AOPEP: variants seen among roughly 807,000 people sequenced by gnomAD.
The protein encoded by AOPEP is aminopeptidase O.
In AOPEP, 77 loss-of-function variants were observed where a neutral mutation model predicts 98.1. The observed-to-expected ratio is 0.78, with a 90% CI of 0.65 to 0.95. AOPEP has a LOEUF of 0.95. AOPEP is among the 40% of genes least tolerant of loss of function. The pLI is 0.00. For synonymous variants in AOPEP, 346 were observed against 365.3 expected, an observed-to-expected ratio of 0.95 and a Z score of 0.60; for missense variants, 1,024 against 1,024.7, an observed-to-expected ratio of 1.00 and a Z score of 0.01.
chr9:95,090,558 G>C (rs955507578), downstream of AOPEP, among the ~76,000 whole-genome samples: 4 of 152,170 alleles, frequency 2.6e-5, no homozygotes, highest in African/African-American at 9.6e-5. Flanking sequence ...CCTTCGAAGG[G>C]AGGAAGCAGC....
chr9:94,800,652 G>T (rs55770541), intron 4 of AOPEP, 105 bp from the exon 5 acceptor site: 11 of 1,197,206 alleles, frequency 9.2e-6, no homozygotes, highest in Non-Finnish European at 9.7e-6. Context: ...TTGTGAGTCT[G>T]TCTGAACCTC....
intron 1 of AOPEP, among the ~76,000 whole-genome samples, chr9:94,727,412 T>A (rs1164753439): frequency 6.6e-6 from 1 of 152,244 alleles, no homozygotes; most frequent in African/African-American, 2.4e-5. Context: ...TTGCATAAAA[T>A]GCCCCTTGTA....
chr9:94,791,485 T>G (rs1206609713), intron 3 of AOPEP, among the ~76,000 whole-genome samples: 1 of 149,134 alleles, frequency 6.7e-6, no homozygotes, highest in Admixed American at 6.8e-5. Flanking sequence ...CTGAGCAACA[T>G]AGTGAGAACC....
chr9:95,068,538 T>G (rs1420357184), intron 14 of AOPEP, among the ~76,000 whole-genome samples: 8 of 152,240 alleles, frequency 5.3e-5, no homozygotes, highest in Non-Finnish European at 7.3e-5. Context: ...TGAGTTATAA[T>G]AGTTCTTTAT....
intron 11 of AOPEP, among the ~76,000 whole-genome samples, chr9:94,988,705 T>C (rs1212742112): frequency 6.6e-6 from 1 of 152,152 alleles, no homozygotes; most frequent in Admixed American, 6.5e-5. Flanking sequence ...GCTGGAAGTC[T>C]AGCTCTGCAG....
intron 1 of AOPEP, among the ~76,000 whole-genome samples, chr9:94,740,965 T>C (rs899739395): frequency 5.3e-5 from 8 of 152,196 alleles, no homozygotes; most frequent in Non-Finnish European, 7.3e-5. Flanking sequence ...TCAGCTGTTA[T>C]AGGGCTGGTG....
intron 9 of AOPEP, 77 bp from the exon 10 acceptor site, chr9:94,967,681 A>G: frequency 8.2e-7 from 1 of 1,224,076 alleles, no homozygotes; most frequent in South Asian, 1.2e-5. Context: ...AGCTGGGAGC[A>G]CTCAGCCTCT....
At chr9:94,783,676 T>G (rs531456569) in intron 3 of AOPEP, among the ~76,000 whole-genome samples, 1 of 152,294 alleles carries the variant, frequency 6.6e-6, no homozygotes, top group Admixed American at 6.5e-5. Context: ...TTATATTTAT[T>G]GTACAGATGT....
rs191972171 is a variant in AOPEP, at chr9:94,731,291, G to A, written c.-136+4540G>A. Among the ~76,000 whole-genome samples the A allele has an allele frequency of 6.6e-3, 993 of 151,560 alleles. 9 individuals are homozygous for A. Among genetic ancestry groups the A allele is most frequent in the African/African-American group, 0.023 (944 of 41,260 alleles). ...CGCCCAGGCTGGAGTGCAGTGGCGC[G>A]ATCTCGGCTCACTGCGAGCTCTGCC... On this transcript the variant is annotated intron_variant, in intron 1 of 16. Transcript: ENST00000375315.
chr9:94,781,126 A>G (rs1843147841), intron 3 of AOPEP, among the ~76,000 whole-genome samples: 1 of 151,938 alleles, frequency 6.6e-6, no homozygotes. Context: ...AGACAAGGCC[A>G]TAGATTTAGA....
chr9:95,144,822 G>T, the AOPEP span, among the ~76,000 whole-genome samples: 6 of 152,206 alleles, frequency 3.9e-5, no homozygotes, highest in African/African-American at 1.4e-4. Context: ...CATTGCGGGT[G>T]TTGGGCACTG....
intron 5 of AOPEP, among the ~76,000 whole-genome samples, chr9:94,915,769 C>T (rs1394063654): frequency 6.6e-6 from 1 of 152,258 alleles, no homozygotes; most frequent in Non-Finnish European, 1.5e-5. Context: ...CTTGGATTTT[C>T]AGATTTGCAG....
chr9:94,752,090 G>A (rs1303595845), intron 1 of AOPEP, among the ~76,000 whole-genome samples: 2 of 151,826 alleles, frequency 1.3e-5, no homozygotes, highest in African/African-American at 4.8e-5. Flanking sequence ...GTCTTCCTAT[G>A]TTACCCGGGC....
intron 5 of AOPEP, among the ~76,000 whole-genome samples, chr9:94,895,239 T>TAA (rs60422899): frequency 0.37 from 42,761 of 115,834 alleles, 6,659 homozygotes; most frequent in East Asian, 0.6. Flanking sequence ...TAAAATAAAA[T>TAA]AAAAAAAAAA....
the AOPEP span, among the ~76,000 whole-genome samples, chr9:95,103,208 C>T: frequency 4.6e-5 from 7 of 152,070 alleles, no homozygotes; most frequent in South Asian, 2.1e-4. Context: ...GAAGAAAGGC[C>T]GAGTTGTCAT....
At chr9:94,828,908 G>A (rs1418193309) in intron 5 of AOPEP, among the ~76,000 whole-genome samples, 1 of 147,870 alleles carries the variant, frequency 6.8e-6, no homozygotes, top group Non-Finnish European at 1.5e-5. Flanking sequence ...TTGCTCTGTT[G>A]TCCAGGCTGG....
At chr9:95,117,247 A>G in the AOPEP span, 2 of 1,352,278 alleles carry the variant, frequency 1.5e-6, no homozygotes, top group South Asian at 1.2e-5. Flanking sequence ...CCTGATGAGG[A>G]GGTCATAATT....
chr9:94,752,547 G>T (rs192699990), intron 1 of AOPEP, among the ~76,000 whole-genome samples: 2 of 152,290 alleles, frequency 1.3e-5, no homozygotes, highest in African/African-American at 4.8e-5. Flanking sequence ...TCTACACTTA[G>T]TTAAGTGGTC....
At chr9:94,993,591 T>G (rs986544340) in intron 11 of AOPEP, among the ~76,000 whole-genome samples, 3 of 152,224 alleles carry the variant, frequency 2.0e-5, no homozygotes, top group Middle Eastern at 3.2e-3. Flanking sequence ...AATTATATTT[T>G]TGGTGCATTT....
Sources: allele counts gnomAD v4.1 joint callset (sites outside exome capture counted in the v4.1 genomes callset), GRCh38; gene constraint gnomAD v4.1.1; transcripts MANE v1.5; gene names NCBI Gene and HGNC (gene_info 2026-07-23, HGNC 2026-07-21).